The following SLIT2 variants were observed in gnomAD, a reference collection of about 807,000 sequenced individuals.
SLIT2 encodes the protein slit guidance ligand 2, also known as slit homolog 2 protein.
Under a neutral mutation model 185.7 loss-of-function variants are expected in SLIT2, and 41 were observed. That is an observed-to-expected ratio of 0.22 (90% CI 0.17 to 0.29). The LOEUF (loss-of-function observed/expected upper bound fraction) is 0.29. Among genes scored for constraint, SLIT2 ranks in the 10% least tolerant of loss-of-function variants. The probability of loss-of-function intolerance (pLI) is 1.00; values close to 1 mark genes in which losing one functional copy is unlikely to be tolerated. For missense variants in SLIT2, 1,571 were observed against 1,909.0 expected, an observed-to-expected ratio of 0.82 and a Z score of 3.30; for synonymous variants, 693 against 680.2, an observed-to-expected ratio of 1.02 and a Z score of -0.29.
At chr4:20,490,203 A>G (rs550165400) in intron 8 of SLIT2, among the ~76,000 whole-genome samples, 1 of 152,344 alleles carries the variant, frequency 6.6e-6, no homozygotes, top group South Asian at 2.1e-4. Flanking sequence ...GCACCAACCT[A>G]AGTATTTCAC....
intron 4 of SLIT2, among the ~76,000 whole-genome samples, chr4:20,335,949 T>C (rs1720467126): frequency 6.6e-6 from 1 of 152,070 alleles, no homozygotes; most frequent in African/African-American, 2.4e-5. Flanking sequence ...TGACAACTGA[T>C]AGATGTAGAG....
At chr4:20,558,325 A>G (rs1021488995) in intron 26 of SLIT2, among the ~76,000 whole-genome samples, 16 of 151,962 alleles carry the variant, frequency 1.1e-4, no homozygotes, top group African/African-American at 3.9e-4. Context: ...AGCCACCCCA[A>G]CCTTCAGCAA....
chr4:20,429,757 C>A (rs1429240172), intron 4 of SLIT2, among the ~76,000 whole-genome samples: 2 of 152,028 alleles, frequency 1.3e-5, no homozygotes, highest in Non-Finnish European at 2.9e-5. Flanking sequence ...AATGGAAAAT[C>A]CCTGTGCCAT....
intron 4 of SLIT2, among the ~76,000 whole-genome samples, chr4:20,299,882 T>G (rs1009105309): frequency 6.6e-6 from 1 of 152,080 alleles, no homozygotes; most frequent in Non-Finnish European, 1.5e-5. Flanking sequence ...TTAATTACCT[T>G]TCAGTCATTA....
chr4:20,588,654 T>A (rs1727265067), intron 29 of SLIT2, among the ~76,000 whole-genome samples: 1 of 152,222 alleles, frequency 6.6e-6, no homozygotes, highest in African/African-American at 2.4e-5. Flanking sequence ...TCCAGTCACC[T>A]TAATACTTTA....
chr4:20,539,710 A>T (rs965455845), intron 19 of SLIT2, 126 bp downstream of exon 19: 7 of 529,086 alleles, frequency 1.3e-5, no homozygotes, highest in African/African-American at 9.8e-5. Flanking sequence ...AAAAGGACAA[A>T]CTTGTTCACA....
chr4:20,532,029 C>A lies in SLIT2; in HGVS notation c.1659C>A (p.Ile553=). The A allele has an allele frequency of 6.4e-7, 1 of 1,574,008 alleles. No individual in the cohort carries two copies. The highest frequency in any genetic ancestry group is 8.6e-7 in the Non-Finnish European group (1 of 1,166,266). ...NEFTVLEATG[I]FKKLPQLRKI... is the part of the protein sequence containing the mutation. ...TTACCGTGTTGGAAGCCACAGGAAT[C>A]TTTAAGAAACTTCCTCAATTACGTA... The change falls in exon 17 of 37, where the codon ATC becomes ATA. Residue 553 remains isoleucine (I), a synonymous_variant. Coordinates refer to ENST00000504154, the MANE Select transcript of SLIT2 (RefSeq NM_004787.4).
intron 1 of SLIT2, among the ~76,000 whole-genome samples, chr4:20,255,886 C>G (rs1012292257): frequency 6.6e-6 from 1 of 152,094 alleles, no homozygotes; most frequent in African/African-American, 2.4e-5. Context: ...GCATTCAAAC[C>G]GCAGCAAAGC....
intron 4 of SLIT2, among the ~76,000 whole-genome samples, chr4:20,313,826 C>T (rs914142536): frequency 5.3e-5 from 8 of 152,112 alleles, no homozygotes; most frequent in African/African-American, 1.2e-4. Flanking sequence ...CACGAGGTGG[C>T]GCTCAGGCGG....
chr4:20,341,224 A>T (rs768810664), intron 4 of SLIT2, among the ~76,000 whole-genome samples: 33 of 152,202 alleles, frequency 2.2e-4, no homozygotes, highest in Non-Finnish European at 4.3e-4. Flanking sequence ...ACTTTAGCAA[A>T]GGAGAGCTGA....
intron 4 of SLIT2, among the ~76,000 whole-genome samples, chr4:20,288,937 GTC>G (rs1347123678): frequency 1.3e-5 from 2 of 152,332 alleles, no homozygotes; most frequent in East Asian, 3.9e-4. Flanking sequence ...TGGACTTCAA[GTC>G]TCTGTTTTCA....
At chr4:20,271,357 A>G (rs975350524) in intron 4 of SLIT2, among the ~76,000 whole-genome samples, 17 of 147,912 alleles carry the variant, frequency 1.1e-4, no homozygotes, top group African/African-American at 3.9e-4. Context: ...TAAGTATTCT[A>G]TAAATATATA....
In SLIT2 at chr4:20,357,895, A is replaced by G. The variant is rs565363765; in HGVS notation, c.395+89014A>G. ...TAGACTACATTGGTTATTAGATTTT[A>G]AAGTTTATTAATAACATCATATCCA... On this transcript the variant is annotated intron_variant, in intron 4 of 36. Transcript: ENST00000504154. Among the ~76,000 whole-genome samples, 7 of 152,272 alleles carry G rather than the reference A, an allele frequency of 4.6e-5. No homozygotes were observed. The East Asian group carries it at 1.3e-3, about 29-fold the overall frequency.
In SLIT2 at chr4:20,561,941, A is replaced by G. The variant is rs557004390; in HGVS notation, c.2726-5321A>G. Among the ~76,000 whole-genome samples, 3 of 151,972 alleles carry G rather than the reference A, an allele frequency of 2.0e-5. No individual in the cohort carries two copies. In the South Asian group the frequency reaches 6.2e-4, roughly 31 times the overall value. The stretch of plus-strand genomic sequence containing the variant: ...ATGTTTTACATCCATATTCTCTCCA[A>G]TGCAAAGATTTTATAAAATAATTAT... On this transcript the variant is annotated intron_variant, in intron 26 of 36. Coordinates refer to ENST00000504154, the MANE Select transcript of SLIT2 (RefSeq NM_004787.4).
rs1029432937 is a variant in SLIT2, at chr4:20,509,186, A to G, written c.915-1309A>G. Among the ~76,000 whole-genome samples, 5 of 151,394 alleles carry G rather than the reference A, an allele frequency of 3.3e-5. 1 individual carries two copies. Among genetic ancestry groups the G allele is most frequent in the Admixed American group, 3.3e-4 (5 of 15,156 alleles). On this transcript the variant is annotated intron_variant, in intron 9 of 36. Coordinates refer to ENST00000504154, the MANE Select transcript of SLIT2 (RefSeq NM_004787.4). Reference sequence around the variant, plus strand: ...ACATATATATATAATATATATGCATATATTTTTTCAAATCCGGGCGGGAAA... The same window carrying G: ...ACATATATATATAATATATATGCATGTATTTTTTCAAATCCGGGCGGGAAA...
In SLIT2 at chr4:20,598,322, G is replaced by A. The variant is rs1728141215; in HGVS notation, c.3619G>A (p.Ala1207Thr). 6 of 1,613,984 alleles carry A rather than the reference G, an allele frequency of 3.7e-6. No homozygotes were observed. In the East Asian group the frequency reaches 6.7e-5, roughly 18 times the overall value. ...LLYKGDKDHI[A>T]VELYRGRVRA... ...GTATAAGGGTGACAAAGACCATATC[G>A]CGGTAGAACTCTATCGGGGGCGTGT... Residue 1207 changes from alanine to threonine, a missense_variant, in exon 33 of 37, where the codon GCG (alanine) becomes ACG (threonine). Physicochemically the swap from Ala to Thr is moderately conservative, Grantham distance 58. Around this residue, in one of 3 missense-constraint regions of SLIT2, gnomAD observed 146 missense variants for 247.4 expected, o/e 0.59. Transcript: ENST00000504154.
intron 4 of SLIT2, among the ~76,000 whole-genome samples, chr4:20,361,360 G>A (rs1352468492): frequency 1.3e-5 from 2 of 151,898 alleles, no homozygotes; most frequent in African/African-American, 4.8e-5. Flanking sequence ...AATTTTTTTA[G>A]CTTTAAATAA....
chr4:20,377,814 A>G (rs1378450321), intron 4 of SLIT2, among the ~76,000 whole-genome samples: 1 of 152,138 alleles, frequency 6.6e-6, no homozygotes, highest in Non-Finnish European at 1.5e-5. Context: ...CCCATATCTA[A>G]TAGGTGTGGT....
chr4:20,472,600 A>ATATATATCGATATATC lies in SLIT2; in HGVS notation c.467+4779_467+4780insTATATCGATATATCTA, dbSNP rs1560455526. 2.3e-4 allele frequency among the ~76,000 whole-genome samples: 9 copies of ATATATATCGATATATC among 38,422 alleles called. 2 individuals carry two copies. The highest frequency in any genetic ancestry group is 8.0e-4 in the African/African-American group (6 of 7,476). 25.2% of individuals were successfully genotyped at this position (38,422 alleles called of 152,430 possible). A position where few individuals can be genotyped will look rare whatever the true frequency, so the allele number is the denominator to read the frequency against. ...TATATCTATATATAGATATATATCT[A>ATATATATCGATATATC]TAGATATATCTATATATATCGATAT... is the stretch of plus-strand genomic sequence containing the variant. On this transcript the variant is annotated intron_variant, in intron 5 of 36. Coordinates refer to ENST00000504154, the MANE Select transcript of SLIT2 (RefSeq NM_004787.4).
Sources: allele counts gnomAD v4.1 joint callset (sites outside exome capture counted in the v4.1 genomes callset), GRCh38; gene constraint gnomAD v4.1.1; regional missense constraint gnomAD v4.1.1; transcripts MANE v1.5; gene names NCBI Gene and HGNC (gene_info 2026-07-23, HGNC 2026-07-21).